MAPK8IP3: variants seen among roughly 807,000 people sequenced by gnomAD.
MAPK8IP3 encodes the protein C-Jun-amino-terminal kinase-interacting protein 3.
In MAPK8IP3, 49 loss-of-function variants were observed where a neutral mutation model predicts 157.8. The ratio of observed to expected loss-of-function variants is 0.31; its 90% CI spans 0.25 to 0.39. MAPK8IP3 has a LOEUF of 0.39. Ranked by LOEUF, MAPK8IP3 falls within the 10% of genes least tolerant of loss-of-function variation. The pLI, the probability that MAPK8IP3 is intolerant of heterozygous loss-of-function variation, is 1.00. For synonymous variants in MAPK8IP3, 897 were observed against 777.7 expected (o/e 1.15, Z -2.55); for missense variants, 1,478 against 1,889.4 (o/e 0.78, Z 4.04).
chr16:1,714,448 G>A (rs1596543505), intron 1 of MAPK8IP3, among the ~76,000 whole-genome samples: 2 of 146,184 alleles, frequency 1.4e-5, no homozygotes, highest in Admixed American at 6.6e-5. Flanking sequence ...CGTGAAACGC[G>A]ACAGGGCCTT....
At position 1,768,396 on chromosome 16, in the gene MAPK8IP3, C is replaced by T. The variant is rs750751592; in HGVS notation, c.3742+18C>T. 2.5e-6 allele frequency: 4 copies of T among 1,598,310 alleles called. No homozygotes were observed. The Admixed American group carries it at 5.0e-5, about 20-fold the overall frequency. On this transcript the variant is annotated intron_variant, in intron 30 of 31. Transcript: ENST00000610761. The stretch of plus-strand genomic sequence containing the variant: ...GGTGCCAGGTGAGGCTGGGCCCCTC[C>T]TGCCATCCACATCCCCTGCATGCCA...
At chr16:1,753,504 G>A (rs974441086) in intron 8 of MAPK8IP3, among the ~76,000 whole-genome samples, 2 of 151,552 alleles carry the variant, frequency 1.3e-5, no homozygotes, top group Non-Finnish European at 2.9e-5. Context: ...GCAGTGACAC[G>A]ATATCAGCTC....
intron 1 of MAPK8IP3, among the ~76,000 whole-genome samples, chr16:1,720,196 A>T (rs1176571112): frequency 6.6e-6 from 1 of 152,086 alleles, no homozygotes; most frequent in Non-Finnish European, 1.5e-5. Context: ...CACCACGCCC[A>T]GCTGATTTTT....
intron 1 of MAPK8IP3, among the ~76,000 whole-genome samples, chr16:1,715,871 G>C (rs531464722): frequency 6.6e-6 from 1 of 151,702 alleles, no homozygotes; most frequent in Non-Finnish European, 1.5e-5. Context: ...GATCACAGGC[G>C]CCCACCACCA....
rs750772486 is a variant in MAPK8IP3, at chr16:1,767,535, C to T, written c.3238-29C>T. ...CCCCACTTCCTCTCCTCTCCCCAGC[C>T]CTGTTGATGGGCAGCCATGACTCCA... On this transcript the variant is annotated intron_variant, in intron 26 of 31. Coordinates refer to ENST00000610761, the MANE Select transcript of MAPK8IP3 (RefSeq NM_001318852.2). 7 of 1,603,900 alleles carry T rather than the reference C, an allele frequency of 4.4e-6. No individual in the cohort carries two copies. In the South Asian group the frequency reaches 6.6e-5, roughly 15 times the overall value.
intron 1 of MAPK8IP3, among the ~76,000 whole-genome samples, chr16:1,714,515 A>G (rs569001014): frequency 6.6e-6 from 1 of 152,260 alleles, no homozygotes; most frequent in South Asian, 2.1e-4. Context: ...AGGACATTTC[A>G]ATTCTTGTTA....
chr16:1,709,914 A>AC (rs1263722909), intron 1 of MAPK8IP3, among the ~76,000 whole-genome samples: 1 of 151,678 alleles, frequency 6.6e-6, no homozygotes, highest in African/African-American at 2.4e-5. Context: ...TGCTGGTAAC[A>AC]CCCCCCAGGC....
chr16:1,759,011 C>T lies in MAPK8IP3; in HGVS notation c.1246+16C>T, dbSNP rs529408169. On this transcript the variant is annotated intron_variant, in intron 10 of 31. Coordinates refer to ENST00000610761, the MANE Select transcript of MAPK8IP3 (RefSeq NM_001318852.2). ...GATTTCTTTGGTAAGGCTGAGGCCC[C>T]GTTCCAGCGTGCGTCGCTCCTCCAC... 7.4e-6 allele frequency: 12 copies of T among 1,614,130 alleles called. No individual in the cohort carries two copies. In the East Asian group the frequency reaches 1.6e-4, roughly 21 times the overall value.
intron 8 of MAPK8IP3, chr16:1,752,639 CTTGGGAAGCTGAA>C: frequency 4.3e-6 from 1 of 231,314 alleles, no homozygotes; most frequent in South Asian, 3.7e-5. Context: ...GTCCCAGCTA[CTTGGGAAGCTGAA>C]GTGGGAAGAT....
chr16:1,735,615 G>T (rs895849061), intron 4 of MAPK8IP3, among the ~76,000 whole-genome samples: 2 of 143,614 alleles, frequency 1.4e-5, no homozygotes, highest in East Asian at 2.1e-4. Flanking sequence ...GTGACCATCC[G>T]TGTGAGCATC....
chr16:1,760,398 G>A lies in MAPK8IP3; in HGVS notation c.1323G>A (p.Val441=). 6.2e-7 allele frequency: 1 copy of A among 1,613,190 alleles called. No individual in the cohort carries two copies. Among genetic ancestry groups the A allele is most frequent in the Non-Finnish European group, 8.5e-7 (1 of 1,179,418 alleles). The change falls in exon 12 of 32, where the codon GTG becomes GTA. Residue 441 remains valine, a synonymous_variant. Transcript: ENST00000610761. ...TTCAAAGAAACGCCTTGAATGTGGT[G>A]AAGAATGACCTGATTGCCAAGGTCG... The part of the protein sequence containing the change: ...LLETKNALNV[V]KNDLIAKVDQ...
At chr16:1,725,331 T>TA (rs148914770) in intron 2 of MAPK8IP3, among the ~76,000 whole-genome samples, 4,068 of 137,312 alleles carry the variant, frequency 0.03, 74 homozygotes, top group Non-Finnish European at 0.043. Flanking sequence ...CCTCATCTCT[T>TA]AAAAAAAAAA....
chr16:1,717,915 G>A (rs534573263), intron 1 of MAPK8IP3, among the ~76,000 whole-genome samples: 35 of 151,606 alleles, frequency 2.3e-4, no homozygotes, highest in Admixed American at 2.0e-3. Flanking sequence ...GCAGTGGCAC[G>A]ATCTCAGCTC....
Position 1,729,119 on chromosome 16 carries a change from C to A in MAPK8IP3, c.440-19C>A. The stretch of plus-strand genomic sequence containing the variant: ...GGAGAAGCGTCTTGTGCGGCTCAGA[C>A]AGTGATTGTGTTTTCCAGTTTCCCG... On this transcript the variant is annotated intron_variant, in intron 2 of 31. Coordinates refer to ENST00000610761, the MANE Select transcript of MAPK8IP3 (RefSeq NM_001318852.2). 6.2e-7 allele frequency: 1 copy of A among 1,612,032 alleles called. No individual in the cohort carries two copies. Among genetic ancestry groups the A allele is most frequent in the Non-Finnish European group, 8.5e-7 (1 of 1,178,140 alleles).
intron 1 of MAPK8IP3, chr16:1,714,316 G>C (rs1265384023): frequency 6.8e-6 from 1 of 146,278 alleles, no homozygotes; most frequent in African/African-American, 2.8e-5. Context: ...GTGAAACCCA[G>C]AGACTAGAAT....
At position 1,758,159 on chromosome 16, in the gene MAPK8IP3, G is replaced by T. The variant is rs761791219; in HGVS notation, c.1228G>T (p.Val410Leu). ...GCTGGACTCGCCAGGGGAGTTCTCA[G>T]GTGAGTATCTCACTCTCCTGTCTGT... ...EGADLLGEFSVRDDFFGMGKE... is the reference protein window; with the variant it reads ...EGADLLGEFSLRDDFFGMGKE... The change falls in exon 9 of 32, where the codon GTG (valine) becomes TTG (leucine). Residue 410 changes from valine (V) to leucine (L), a missense_variant and splice_region_variant. By Grantham distance (32) the Val-to-Leu change is conservative. This residue lies in a region of MAPK8IP3 where 315 missense variants were observed against 394.4 expected (regional missense o/e 0.80). Coordinates refer to ENST00000610761, the MANE Select transcript of MAPK8IP3 (RefSeq NM_001318852.2). The T allele has an allele frequency of 6.2e-7, 1 of 1,613,678 alleles. No homozygotes were observed. Among genetic ancestry groups the T allele is most frequent in the Non-Finnish European group, 8.5e-7 (1 of 1,179,840 alleles).
chr16:1,720,988 A>G (rs543119932), intron 1 of MAPK8IP3, among the ~76,000 whole-genome samples: 48 of 146,730 alleles, frequency 3.3e-4, no homozygotes, highest in Middle Eastern at 7.8e-3. Context: ...GAGCTGAGTC[A>G]TGTCATTGCA....
At position 1,762,742 on chromosome 16, in the gene MAPK8IP3, G is replaced by A; in HGVS notation, c.1727+11G>A. 1 of 1,580,406 alleles carries A rather than the reference G, an allele frequency of 6.3e-7. No homozygotes were observed. Among genetic ancestry groups the A allele is most frequent in the Non-Finnish European group, 8.6e-7 (1 of 1,161,012 alleles). On this transcript the variant is annotated intron_variant, in intron 15 of 31. Coordinates refer to ENST00000610761, the MANE Select transcript of MAPK8IP3 (RefSeq NM_001318852.2). ...GACCATCTGGCAGTTGTAAGCTGGG[G>A]GCCCCTGGGGGATGTGGGCAGCAGC... is the stretch of plus-strand genomic sequence containing the variant.
At chr16:1,733,576 C>T (rs1475541903) in intron 4 of MAPK8IP3, among the ~76,000 whole-genome samples, 2 of 152,188 alleles carry the variant, frequency 1.3e-5, no homozygotes, top group Admixed American at 6.5e-5. Context: ...AACCTGCTGT[C>T]GAGGTGTCCC....
Sources: gnomAD v4.1 joint callset for allele counts (sites outside exome capture counted in the v4.1 genomes callset) on GRCh38, gnomAD v4.1.1 for gene constraint, gnomAD v4.1.1 regional missense constraint, MANE v1.5 for transcripts, NCBI Gene and HGNC (gene_info 2026-07-23, HGNC 2026-07-21) for gene names.